The following C12orf75 variants were observed in gnomAD, a reference collection of about 807,000 sequenced individuals.
C12orf75 encodes overexpressed in colon carcinoma 1 protein.
In C12orf75, 4 loss-of-function variants were observed where a neutral mutation model predicts 11.4. The ratio of observed to expected loss-of-function variants is 0.35; its 90% CI spans 0.17 to 0.80. The LOEUF (loss-of-function observed/expected upper bound fraction) is 0.80. Among genes scored for constraint, C12orf75 ranks in the 30% least tolerant of loss-of-function variants. The pLI is 0.52. For missense variants in C12orf75, 89 were observed against 80.4 expected (o/e 1.11, Z -0.41); for synonymous variants, 30 against 30.0 (o/e 1.00, Z 0.00).
intron 1 of C12orf75, among the ~76,000 whole-genome samples, chr12:105,342,119 C>T (rs574031647): frequency 2.7e-4 from 41 of 152,286 alleles, no homozygotes; most frequent in African/African-American, 8.4e-4. Context: ...TTGAGGTTTT[C>T]GTAGGTGCTG....
chr12:105,337,782 G>C (rs193244743), intron 1 of C12orf75, among the ~76,000 whole-genome samples: 165 of 152,244 alleles, frequency 1.1e-3, no homozygotes, highest in African/African-American at 3.8e-3. Flanking sequence ...GCGGGTCATT[G>C]TTTATGCCTA....
intron 1 of C12orf75, among the ~76,000 whole-genome samples, chr12:105,342,802 A>T (rs1892590792): frequency 6.6e-6 from 1 of 152,246 alleles, no homozygotes; most frequent in South Asian, 2.1e-4. Context: ...TGTGCCAGGA[A>T]CCAGGGGCAA....
rs542058883 is a variant in C12orf75, at chr12:105,339,188, G to T, written c.46+8251G>T. On this transcript the variant is annotated intron_variant, in intron 1 of 5. Transcript: ENST00000443585. ...TTTATAACTATTGTGGGTCAGAAGA[G>T]CATAGCAAGCTGTCAAAATTAAAGA... Among the ~76,000 whole-genome samples the T allele has an allele frequency of 2.6e-4, 40 of 152,020 alleles. No individual in the cohort carries two copies. In the South Asian group the frequency reaches 8.1e-3, roughly 31 times the overall value.
chr12:105,330,811 G>A lies in C12orf75; in HGVS notation c.-81G>A. Reference sequence around the variant, plus strand: ...GCCCCGTCAGCCTCCCGCTCGGGGTGCGCCGCCCTTCGTCTGGGTCTCCGC... The same window carrying A: ...GCCCCGTCAGCCTCCCGCTCGGGGTACGCCGCCCTTCGTCTGGGTCTCCGC... On this transcript the variant is annotated 5_prime_UTR_variant, in exon 1 of 6. Transcript: ENST00000443585. The A allele has an allele frequency of 8.2e-7, 1 of 1,215,088 alleles. No individual in the cohort carries two copies. Among genetic ancestry groups the A allele is most frequent in the Non-Finnish European group, 1.0e-6 (1 of 976,126 alleles). 75.3% of individuals were successfully genotyped at this position (1,215,088 alleles called of 1,614,324 possible).
At position 105,330,807 on chromosome 12, in the gene C12orf75, G is replaced by T. The variant is rs1398642236; in HGVS notation, c.-85G>T. ...CGCGGCCCCGTCAGCCTCCCGCTCG[G>T]GGTGCGCCGCCCTTCGTCTGGGTCT... On this transcript the variant is annotated 5_prime_UTR_variant, in exon 1 of 6. Transcript: ENST00000443585. 1.7e-6 allele frequency: 2 copies of T among 1,207,924 alleles called. No homozygotes were observed. The highest frequency in any genetic ancestry group is 2.1e-6 in the Non-Finnish European group (2 of 971,138). The allele number at this position is 1,207,924 out of a possible 1,614,324, so 74.8% of individuals were successfully genotyped here. A position where few individuals can be genotyped will look rare whatever the true frequency, so the allele number is the denominator to read the frequency against.
intron 1 of C12orf75, among the ~76,000 whole-genome samples, chr12:105,339,726 C>T (rs939143967): frequency 2.6e-5 from 4 of 151,908 alleles, no homozygotes; most frequent in Admixed American, 6.6e-5. Context: ...ATGCCTTTTT[C>T]CCGCCTCAGC....
chr12:105,335,813 C>T (rs1892493517), intron 1 of C12orf75, among the ~76,000 whole-genome samples: 1 of 152,124 alleles, frequency 6.6e-6, no homozygotes, highest in African/African-American at 2.4e-5. Context: ...TCCTCAGCCT[C>T]TAGACCAGTT....
chr12:105,352,588 G>A (rs1031151489), intron 2 of C12orf75, among the ~76,000 whole-genome samples: 2 of 152,018 alleles, frequency 1.3e-5, no homozygotes, highest in South Asian at 4.1e-4. Context: ...TTGATTTTGT[G>A]TATTGAAGTT....
intron 1 of C12orf75, among the ~76,000 whole-genome samples, chr12:105,336,404 G>T (rs1892499904): frequency 6.6e-6 from 1 of 152,232 alleles, no homozygotes; most frequent in African/African-American, 2.4e-5. Context: ...TAAAATGGGG[G>T]TGTAATAAGA....
chr12:105,332,552 T>C (rs549769714), intron 1 of C12orf75, among the ~76,000 whole-genome samples: 1 of 152,000 alleles, frequency 6.6e-6, no homozygotes, highest in African/African-American at 2.4e-5. Flanking sequence ...ACCAACATGG[T>C]GAAACCCAGT....
At chr12:105,337,097 G>A (rs577147245) in intron 1 of C12orf75, among the ~76,000 whole-genome samples, 1 of 152,294 alleles carries the variant, frequency 6.6e-6, no homozygotes, top group East Asian at 1.9e-4. Flanking sequence ...GCTGAGGCAG[G>A]TGGATCACCT....
intron 1 of C12orf75, among the ~76,000 whole-genome samples, chr12:105,341,464 G>A (rs544399369): frequency 3.3e-5 from 5 of 152,258 alleles, no homozygotes; most frequent in South Asian, 2.1e-4. Context: ...CAAATATTGC[G>A]CTTCCAGGTT....
At chr12:105,352,264 T>C (rs1162619703) in intron 2 of C12orf75, among the ~76,000 whole-genome samples, 2 of 152,226 alleles carry the variant, frequency 1.3e-5, no homozygotes, top group Middle Eastern at 3.4e-3. Context: ...TAGTTTCAGT[T>C]GAGCAGGGTG....
At chr12:105,333,964 G>A (rs946726265) in intron 1 of C12orf75, among the ~76,000 whole-genome samples, 2 of 152,152 alleles carry the variant, frequency 1.3e-5, no homozygotes, top group Admixed American at 6.5e-5. Flanking sequence ...CCCTGAGATA[G>A]CAGGATGGCT....
chr12:105,354,973 A>T (rs1409910210), intron 2 of C12orf75, among the ~76,000 whole-genome samples: 1 of 151,896 alleles, frequency 6.6e-6, no homozygotes, highest in Non-Finnish European at 1.5e-5. Context: ...GGACTATCGA[A>T]AGGAGGATTT....
chr12:105,356,044 C>G (rs776079415), intron 2 of C12orf75, among the ~76,000 whole-genome samples: 18 of 151,858 alleles, frequency 1.2e-4, no homozygotes, highest in Non-Finnish European at 2.4e-4. Context: ...GGAGAGAGAT[C>G]AAAAGAAAAC....
rs76011966 is a variant in C12orf75 at position 105,356,973 on chromosome 12, T to C, written c.71+8347T>C. On this transcript the variant is annotated intron_variant, in intron 2 of 5. Transcript: ENST00000443585. ...TTAAATAGGCATGCAAAAAATACATTAATTTAAAAAAAGGCCAGGTAGGCG... is the reference window on the plus strand; with the variant it reads ...TTAAATAGGCATGCAAAAAATACATCAATTTAAAAAAAGGCCAGGTAGGCG... 6.8e-3 allele frequency among the ~76,000 whole-genome samples: 1,041 copies of C among 152,172 alleles called. 17 individuals are homozygous for C. The highest frequency in any genetic ancestry group is 0.024 in the African/African-American group (987 of 41,508).
chr12:105,340,759 A>T (rs184000047), intron 1 of C12orf75, among the ~76,000 whole-genome samples: 2 of 152,326 alleles, frequency 1.3e-5, no homozygotes, highest in Admixed American at 6.5e-5. Context: ...TGCGGAGATT[A>T]TACTAGATTA....
intron 1 of C12orf75, among the ~76,000 whole-genome samples, chr12:105,339,438 CG>C (rs1474146825): frequency 7.4e-6 from 1 of 135,494 alleles, no homozygotes; most frequent in Non-Finnish European, 1.6e-5. Context: ...AATTTTATTT[CG>C]GGTGTGTGTG....
Sources: gnomAD v4.1 joint callset for allele counts (sites outside exome capture counted in the v4.1 genomes callset) on GRCh38, gnomAD v4.1.1 for gene constraint, MANE v1.5 for transcripts, NCBI Gene and HGNC (gene_info 2026-07-23, HGNC 2026-07-21) for gene names.